The following SLC24A2 variants were observed in gnomAD, a reference collection of about 807,000 sequenced individuals.
The protein encoded by SLC24A2 is solute carrier family 24 member 2, also known as sodium/potassium/calcium exchanger 2.
A neutral mutation model predicts 62.0 loss-of-function variants in SLC24A2; 36 were observed. The observed-to-expected ratio is 0.58, with a 90% CI of 0.44 to 0.77. SLC24A2 has a LOEUF of 0.77. Among genes scored for constraint, SLC24A2 ranks in the 30% least tolerant of loss-of-function variants. The pLI, the probability that SLC24A2 is intolerant of heterozygous loss-of-function variation, is 0.00. For synonymous variants in SLC24A2, 358 were observed against 294.0 expected (o/e 1.22, Z -2.23); for missense variants, 846 against 817.9 (o/e 1.03, Z -0.42).
chr9:20,161,071 A>C, the SLC24A2 span, among the ~76,000 whole-genome samples: 879 of 151,520 alleles, frequency 5.8e-3, 8 homozygotes, highest in African/African-American at 0.02. Flanking sequence ...GATATGGATA[A>C]AACTTCTTTA....
intron 2 of SLC24A2, among the ~76,000 whole-genome samples, chr9:19,652,432 G>T (rs1818828170): frequency 6.6e-6 from 1 of 152,092 alleles, no homozygotes; most frequent in Non-Finnish European, 1.5e-5. Context: ...AATCACAAGG[G>T]TCCTCATAAG....
At chr9:19,982,352 A>G in the SLC24A2 span, among the ~76,000 whole-genome samples, 1 of 152,210 alleles carries the variant, frequency 6.6e-6, no homozygotes, top group Non-Finnish European at 1.5e-5. Context: ...ACAGAGCAGA[A>G]TAACCCATAA....
chr9:19,815,506 T>C, the SLC24A2 span, among the ~76,000 whole-genome samples: 1 of 152,278 alleles, frequency 6.6e-6, no homozygotes, highest in South Asian at 2.1e-4. Flanking sequence ...TGAGTGCTCA[T>C]ATCCTTTTTT....
the SLC24A2 span, among the ~76,000 whole-genome samples, chr9:19,921,088 G>T: frequency 6.8e-6 from 1 of 146,788 alleles, no homozygotes; most frequent in African/African-American, 2.5e-5. Context: ...TGGGGGGGGG[G>T]TGTTCCAAAG....
intron 1 of SLC24A2, among the ~76,000 whole-genome samples, chr9:19,787,972 G>A (rs1823224517): frequency 6.6e-6 from 1 of 152,192 alleles, no homozygotes; most frequent in African/African-American, 2.4e-5. Flanking sequence ...GAGGAGATGG[G>A]TAAAATAGCC....
chr9:19,935,794 T>C, the SLC24A2 span, among the ~76,000 whole-genome samples: 1 of 152,184 alleles, frequency 6.6e-6, no homozygotes, highest in Non-Finnish European at 1.5e-5. Context: ...AGTTAAAACA[T>C]GGTGAGGTGT....
At chr9:20,029,304 G>A in the SLC24A2 span, among the ~76,000 whole-genome samples, 1 of 152,176 alleles carries the variant, frequency 6.6e-6, no homozygotes, top group African/African-American at 2.4e-5. Flanking sequence ...GTCACCCTTG[G>A]CATGCTCATC....
intron 7 of SLC24A2, among the ~76,000 whole-genome samples, chr9:19,550,753 A>G (rs1328921086): frequency 6.6e-6 from 1 of 150,908 alleles, no homozygotes; most frequent in African/African-American, 2.4e-5. Flanking sequence ...AATGAAAGTA[A>G]CCACAGAAAC....
the SLC24A2 span, among the ~76,000 whole-genome samples, chr9:19,985,018 C>CAA: frequency 2.3e-3 from 346 of 147,828 alleles, 3 homozygotes; most frequent in Non-Finnish European, 3.2e-3. Context: ...ACTGAAAATA[C>CAA]AAAAAAAAAA....
the SLC24A2 span, among the ~76,000 whole-genome samples, chr9:19,904,515 A>G: frequency 6.6e-6 from 1 of 152,216 alleles, no homozygotes; most frequent in Non-Finnish European, 1.5e-5. Context: ...CAGAGGTGGA[A>G]AGTGAAACTA....
the SLC24A2 span, among the ~76,000 whole-genome samples, chr9:20,137,041 A>G: frequency 1.3e-5 from 2 of 152,162 alleles, no homozygotes; most frequent in Non-Finnish European, 2.9e-5. Flanking sequence ...CATCTCACAC[A>G]AGGTTGGCAT....
Position 19,577,029 on chromosome 9 carries a change from C to G in SLC24A2, c.1130-7G>C. ...GCCTTTTCTCTGAACCTCCCTGAAG[C>G]AAAAGAAAGTGGCAGGAAGGAGACA... On this transcript the variant is annotated splice_region_variant and splice_polypyrimidine_tract_variant and intron_variant, in intron 5 of 10. Coordinates refer to ENST00000341998, the MANE Select transcript of SLC24A2 (RefSeq NM_020344.4). 6.2e-7 allele frequency: 1 copy of G among 1,611,474 alleles called. No homozygotes were observed. The highest frequency in any genetic ancestry group is 8.5e-7 in the Non-Finnish European group (1 of 1,177,602).
At chr9:20,015,404 G>A in the SLC24A2 span, among the ~76,000 whole-genome samples, 1 of 152,264 alleles carries the variant, frequency 6.6e-6, no homozygotes, top group South Asian at 2.1e-4. Flanking sequence ...GAGGAAATAT[G>A]ATGAGAGTTA....
the SLC24A2 span, among the ~76,000 whole-genome samples, chr9:20,173,221 A>T: frequency 6.6e-6 from 1 of 152,090 alleles, no homozygotes; most frequent in South Asian, 2.1e-4. Context: ...CACAACCAAC[A>T]TAATACTGAA....
intron 2 of SLC24A2, among the ~76,000 whole-genome samples, chr9:19,670,631 T>A (rs74861375): frequency 1.3e-3 from 203 of 152,324 alleles, no homozygotes; most frequent in African/African-American, 4.7e-3. Context: ...TCCAAGAGCA[T>A]ATAGCAAATA....
At chr9:19,871,088 T>C in the SLC24A2 span, among the ~76,000 whole-genome samples, 2 of 151,356 alleles carry the variant, frequency 1.3e-5, no homozygotes, top group Non-Finnish European at 2.9e-5. Flanking sequence ...GACACCTGTG[T>C]TTTTTCCAAA....
chr9:19,581,717 G>T (rs1836216165), intron 5 of SLC24A2, among the ~76,000 whole-genome samples: 1 of 152,198 alleles, frequency 6.6e-6, no homozygotes, highest in Non-Finnish European at 1.5e-5. Context: ...GTGGTAAAGG[G>T]ATTGCTCAGA....
chr9:20,301,092 G>T, the SLC24A2 span, among the ~76,000 whole-genome samples: 2 of 152,308 alleles, frequency 1.3e-5, no homozygotes, highest in South Asian at 4.1e-4. Flanking sequence ...CCCACCTGAA[G>T]AGGCCACAAA....
the SLC24A2 span, among the ~76,000 whole-genome samples, chr9:20,170,290 T>G: frequency 6.6e-6 from 1 of 151,950 alleles, no homozygotes. Context: ...AAAAGTTGTC[T>G]CAGCAAGGCA....
Sources: allele counts gnomAD v4.1 joint callset (sites outside exome capture counted in the v4.1 genomes callset), GRCh38; gene constraint gnomAD v4.1.1; transcripts MANE v1.5; gene names NCBI Gene and HGNC (gene_info 2026-07-23, HGNC 2026-07-21).